The following DYRK3 variants were observed in gnomAD, a reference collection of about 807,000 sequenced individuals.
The protein encoded by DYRK3 is dual specificity tyrosine-phosphorylation-regulated kinase 3.
In DYRK3, 30 loss-of-function variants were observed where a neutral mutation model predicts 40.8. The ratio of observed to expected loss-of-function variants is 0.74; its 90% CI spans 0.55 to 1.00. DYRK3 has a LOEUF of 1.00. DYRK3 is among the 50% of genes least tolerant of loss of function. DYRK3 has a pLI of 0.00. For synonymous variants in DYRK3, 272 were observed against 260.7 expected, an observed-to-expected ratio of 1.04 and a Z score of -0.42; for missense variants, 699 against 731.5, an observed-to-expected ratio of 0.96 and a Z score of 0.51.
chr1:206,650,236 C>T lies in DYRK3; in HGVS notation c.*1271C>T, dbSNP rs1553421136. Among the ~76,000 whole-genome samples the T allele has an allele frequency of 6.6e-6, 1 of 152,330 alleles. No individual in the cohort carries two copies. Among genetic ancestry groups the T allele is most frequent in the African/African-American group, 2.4e-5 (1 of 41,570 alleles). On this transcript the variant is annotated 3_prime_UTR_variant, in exon 3 of 3. Transcript: ENST00000367109. ...CTGTCCCTTGCTCTATTTCTGTCCT[C>T]TTCCAGAACAAAAGTATGCTCAAGT...
intron 2 of DYRK3, among the ~76,000 whole-genome samples, chr1:206,643,867 G>GA (rs1262971064): frequency 3.3e-5 from 5 of 152,014 alleles, no homozygotes; most frequent in African/African-American, 9.7e-5. Flanking sequence ...AATGTATTGA[G>GA]AATTTTGCTG....
Position 206,655,000 on chromosome 1 carries a change from G to A in DYRK3, c.*6035G>A, listed in dbSNP as rs2102352400. 6.6e-6 allele frequency among the ~76,000 whole-genome samples: 1 copy of A among 152,338 alleles called. No homozygotes were observed. Among genetic ancestry groups the A allele is most frequent in the East Asian group, 1.9e-4 (1 of 5,190 alleles). On this transcript the variant is annotated 3_prime_UTR_variant, in exon 3 of 3. Coordinates refer to ENST00000367109, the MANE Select transcript of DYRK3 (RefSeq NM_003582.4). The stretch of plus-strand genomic sequence containing the variant: ...TCAGCTCAGAATGTCAGCCTCTGAA[G>A]CATCAGGTTTGAATGACTTTGGTGT...
At position 206,647,813 on chromosome 1, in the gene DYRK3, A is replaced by G; in HGVS notation, c.615A>G (p.Leu205=). 6.2e-7 allele frequency: 1 copy of G among 1,614,144 alleles called. No individual in the cohort carries two copies. Among genetic ancestry groups the G allele is most frequent in the Non-Finnish European group, 8.5e-7 (1 of 1,180,024 alleles). The change falls in exon 3 of 3, where the codon CTA becomes CTG. Residue 205 remains leucine, a synonymous_variant. Transcript: ENST00000367109. ...GAYIHVPRDH[L]AYRYEVLKII... is the part of the protein sequence containing the mutation. ...ATATTCATGTACCTCGAGACCATCT[A>G]GCTTATCGATATGAGGTGCTGAAAA...
chr1:206,648,383 T>A lies in DYRK3; in HGVS notation c.1185T>A (p.Phe395Leu), dbSNP rs782014982. The change falls in exon 3 of 3, where the codon TTT (phenylalanine) becomes TTA (leucine). Residue 395 changes from phenylalanine (F) to leucine (L), a missense_variant. Phe to Leu is a conservative substitution (Grantham distance 22, BLOSUM62 0). Transcript: ENST00000367109. ...GCACACCAATTGACATATGGAGTTT[T>A]GGCTGCATCCTTGCAGAACTTTTAA... is the stretch of plus-strand genomic sequence containing the variant. ...RYSTPIDIWSFGCILAELLTG... is the reference protein window; with the variant it reads ...RYSTPIDIWSLGCILAELLTG... 1.2e-6 allele frequency: 2 copies of A among 1,614,178 alleles called. No homozygotes were observed. The highest frequency in any genetic ancestry group is 2.2e-5 in the South Asian group (2 of 91,084).
intron 1 of DYRK3, chr1:206,636,109 G>C (rs200976546): frequency 6.5e-6 from 9 of 1,380,452 alleles, no homozygotes; most frequent in Non-Finnish European, 7.8e-6. Flanking sequence ...TTTTATTAAA[G>C]GGGGGGAGCC....
At position 206,651,920 on chromosome 1, in the gene DYRK3, C is replaced by T. The variant is rs567692640; in HGVS notation, c.*2955C>T. 6.6e-6 allele frequency among the ~76,000 whole-genome samples: 1 copy of T among 152,322 alleles called. No individual in the cohort carries two copies. The highest frequency in any genetic ancestry group is 1.9e-4 in the East Asian group (1 of 5,192). On this transcript the variant is annotated 3_prime_UTR_variant, in exon 3 of 3. Transcript: ENST00000367109. ...AGGTGCTGTCCAAGGCACATGTTTCCTTGGGATGTTTGGACAGAATGATCT... is the reference window on the plus strand; with the variant it reads ...AGGTGCTGTCCAAGGCACATGTTTCTTTGGGATGTTTGGACAGAATGATCT...
Position 206,647,952 on chromosome 1 carries a change from G to A in DYRK3, c.754G>A (p.Glu252Lys), listed in dbSNP as rs1553420487. Residue 252 changes from glutamate to lysine, a missense_variant, in exon 3 of 3, where the codon GAG (glutamate) becomes AAG (lysine). Glu to Lys is a moderately conservative substitution (Grantham distance 56). Coordinates refer to ENST00000367109, the MANE Select transcript of DYRK3 (RefSeq NM_003582.4). ...GAAGCGCTTTCATCGTCAAGCAGCT[G>A]AGGAGATCCGGATTTTGGAGCATCT... The part of the protein sequence containing the change: ...NEKRFHRQAA[E>K]EIRILEHLKK... The A allele has an allele frequency of 1.2e-6, 2 of 1,614,118 alleles. No homozygotes were observed. The highest frequency in any genetic ancestry group is 2.2e-5 in the South Asian group (2 of 91,062).
chr1:206,640,019 C>T (rs1553419102), intron 2 of DYRK3, among the ~76,000 whole-genome samples: 1 of 148,908 alleles, frequency 6.7e-6, no homozygotes, highest in Non-Finnish European at 1.5e-5. Flanking sequence ...GCTGCAACCT[C>T]CATCTCCCGG....
rs1553421662 is a variant in DYRK3 at position 206,654,706 on chromosome 1, AAGGAC to A, written c.*5742_*5746del. ...AGAGTCACAGTGAACCCATCCATAA[AAGGAC>A]TAAAAGCTCTCTCTGGTCCCTGAGA... is the stretch of plus-strand genomic sequence containing the variant. On this transcript the variant is annotated 3_prime_UTR_variant, in exon 3 of 3. Coordinates refer to ENST00000367109, the MANE Select transcript of DYRK3 (RefSeq NM_003582.4). 6.6e-6 allele frequency among the ~76,000 whole-genome samples: 1 copy of A among 152,176 alleles called. No individual in the cohort carries two copies. Among genetic ancestry groups the A allele is most frequent in the Admixed American group, 6.5e-5 (1 of 15,270 alleles).
intron 1 of DYRK3, 141 bp from the exon 2 acceptor site, chr1:206,637,509 A>C (rs1671149420): frequency 1.7e-6 from 1 of 586,072 alleles, no homozygotes; most frequent in Non-Finnish European, 3.0e-6. Context: ...CAAATACCCC[A>C]GTTGTTTGTA....
At chr1:206,637,267 T>C (rs1671142986) in intron 1 of DYRK3, among the ~76,000 whole-genome samples, 2 of 152,216 alleles carry the variant, frequency 1.3e-5, no homozygotes, top group African/African-American at 4.8e-5. Context: ...AATCCAAGTC[T>C]CTGACTTGAG....
In DYRK3 at chr1:206,651,488, CCTT is replaced by C. The variant is rs1671631359; in HGVS notation, c.*2528_*2530del. Among the ~76,000 whole-genome samples the C allele has an allele frequency of 1.3e-5, 2 of 152,176 alleles. No individual in the cohort carries two copies. The highest frequency in any genetic ancestry group is 4.1e-4 in the South Asian group (2 of 4,834). The stretch of plus-strand genomic sequence containing the variant: ...AGGAAGTAGTACAGCATGATTGAAT[CCTT>C]CTTCAGTGAATCTTTTCATTGTAAC... On this transcript the variant is annotated 3_prime_UTR_variant, in exon 3 of 3. Coordinates refer to ENST00000367109, the MANE Select transcript of DYRK3 (RefSeq NM_003582.4).
Position 206,648,332 on chromosome 1 carries a change from A to G in DYRK3, c.1134A>G (p.Pro378=). 1.2e-6 allele frequency: 2 copies of G among 1,614,212 alleles called. No individual in the cohort carries two copies. Among genetic ancestry groups the G allele is most frequent in the Non-Finnish European group, 1.7e-6 (2 of 1,180,034 alleles). ...TCCAGTCTCGGTTCTACAGAGCTCC[A>G]GAAATCATCTTAGGAAGCCGCTACA... The part of the protein sequence containing the change: ...TYIQSRFYRA[P]EIILGSRYST... Residue 378 remains proline (P), a synonymous_variant, in exon 3 of 3, where the codon CCA becomes CCG. Transcript: ENST00000367109.
intron 2 of DYRK3, among the ~76,000 whole-genome samples, chr1:206,645,208 G>A (rs12027257): frequency 0.36 from 54,416 of 151,702 alleles, 10,207 homozygotes; most frequent in Admixed American, 0.42. Flanking sequence ...TACAATTTTT[G>A]TTTTGCTTAG....
In DYRK3 at chr1:206,649,212, G is replaced by A. The variant is rs868932514; in HGVS notation, c.*247G>A. 11 of 447,808 alleles carry A rather than the reference G, an allele frequency of 2.5e-5. No individual in the cohort carries two copies. The highest frequency in any genetic ancestry group is 1.2e-4 in the African/African-American group (6 of 50,070). 27.7% of individuals were successfully genotyped at this position (447,808 alleles called of 1,614,324 possible). ...AGGTCAATGCATCTTTGTTATTATC[G>A]TCAGATGTATTTCAACTGATGTATT... is the stretch of plus-strand genomic sequence containing the variant. On this transcript the variant is annotated 3_prime_UTR_variant, in exon 3 of 3. Coordinates refer to ENST00000367109, the MANE Select transcript of DYRK3 (RefSeq NM_003582.4).
At chr1:206,636,208 T>C (rs574411704) in intron 1 of DYRK3, 6 of 553,032 alleles carry the variant, frequency 1.1e-5, no homozygotes, top group South Asian at 4.4e-5. Flanking sequence ...GGGTGCGGTC[T>C]AGCTTCGAAT....
rs1373940905 is a variant in DYRK3 at position 206,653,699 on chromosome 1, GA to G, written c.*4743del. ...TAGATACAGTTACCTTGATAATAATGAAAAAAAAATGAATACCACCAAAACC... is the reference window on the plus strand; with the variant it reads ...TAGATACAGTTACCTTGATAATAATGAAAAAAAATGAATACCACCAAAACC... On this transcript the variant is annotated 3_prime_UTR_variant, in exon 3 of 3. Coordinates refer to ENST00000367109, the MANE Select transcript of DYRK3 (RefSeq NM_003582.4). Among the ~76,000 whole-genome samples, 7 of 150,682 alleles carry G rather than the reference GA, an allele frequency of 4.6e-5. No individual in the cohort carries two copies. Among genetic ancestry groups the G allele is most frequent in the African/African-American group, 1.5e-4 (6 of 41,066 alleles).
rs570830520 is a variant in DYRK3, at chr1:206,654,221, A to G, written c.*5256A>G. On this transcript the variant is annotated 3_prime_UTR_variant, in exon 3 of 3. Transcript: ENST00000367109. ...CAACACGGAAGTTGGAAAGGTGACA[A>G]TGATTGTTCTAGACTGCCTCTGTAA... Among the ~76,000 whole-genome samples the G allele has an allele frequency of 2.0e-5, 3 of 152,332 alleles. No homozygotes were observed. Among genetic ancestry groups the G allele is most frequent in the Admixed American group, 1.3e-4 (2 of 15,296 alleles).
At chr1:206,637,538 T>G (rs1671150230) in intron 1 of DYRK3, 112 bp from the exon 2 acceptor site, 4 of 691,906 alleles carry the variant, frequency 5.8e-6, no homozygotes, top group Non-Finnish European at 7.2e-6. Context: ...CAAAATGTAG[T>G]GTAGACATTT....
Sources: allele counts gnomAD v4.1 joint callset (sites outside exome capture counted in the v4.1 genomes callset), GRCh38; gene constraint gnomAD v4.1.1; transcripts MANE v1.5; gene names NCBI Gene and HGNC (gene_info 2026-07-23, HGNC 2026-07-21).